NBEA: variants seen among roughly 807,000 people sequenced by gnomAD.
NBEA encodes lysosomal-trafficking regulator 2.
Under a neutral mutation model 343.4 loss-of-function variants are expected in NBEA, and 44 were observed. That is an observed-to-expected ratio of 0.13 (90% CI 0.10 to 0.16). The LOEUF is 0.16. Among genes scored for constraint, NBEA ranks in the 10% least tolerant of loss-of-function variants. The probability of loss-of-function intolerance (pLI) is 1.00; values close to 1 mark genes in which losing one functional copy is unlikely to be tolerated. For synonymous variants in NBEA, 1,175 were observed against 1,238.7 expected (o/e 0.95, Z 1.08); for missense variants, 2,555 against 3,631.3 (o/e 0.70, Z 7.62).
At chr13:35,222,962 T>A (rs983762097) in intron 33 of NBEA, among the ~76,000 whole-genome samples, 16 of 152,018 alleles carry the variant, frequency 1.1e-4, no homozygotes, top group Non-Finnish European at 1.9e-4. Flanking sequence ...TGAAACCGCA[T>A]CTCTAATAAA....
intron 38 of NBEA, among the ~76,000 whole-genome samples, chr13:35,417,385 T>A (rs1036374688): frequency 6.6e-6 from 1 of 152,126 alleles, no homozygotes; most frequent in African/African-American, 2.4e-5. Context: ...TGCTATAAAT[T>A]TCCCTCTACA....
chr13:35,196,216 T>G lies in NBEA; in HGVS notation c.5280T>G (p.Cys1760Trp), dbSNP rs776881452. ...LVAAPVEIAECGPEPIPYPDP... is the reference protein window; with the variant it reads ...LVAAPVEIAEWGPEPIPYPDP... Reference sequence around the variant, plus strand: ...CTGCTCCAGTTGAAATAGCAGAATGTGGCCCTGAACCTATCCCATACCCAG... The same window carrying G: ...CTGCTCCAGTTGAAATAGCAGAATGGGGCCCTGAACCTATCCCATACCCAG... Residue 1760 changes from cysteine to tryptophan, a missense_variant, in exon 31 of 59, where the codon TGT becomes TGG. Around this residue, in one of 21 missense-constraint regions of NBEA, gnomAD observed 270 missense variants for 293.3 expected, o/e 0.92. Coordinates refer to ENST00000379939, the MANE Select transcript of NBEA (RefSeq NM_001385012.1). 2.5e-6 allele frequency: 4 copies of G among 1,613,634 alleles called. No homozygotes were observed. The South Asian group carries it at 4.4e-5, about 18-fold the overall frequency.
At chr13:35,624,009 C>A (rs73503143) in intron 48 of NBEA, among the ~76,000 whole-genome samples, 4,584 of 151,438 alleles carry the variant, frequency 0.03, 254 homozygotes, top group African/African-American at 0.11. Context: ...TAAATGAATT[C>A]TTATCAATGT....
Position 35,428,155 on chromosome 13 carries a change from T to C in NBEA, c.6180-4114T>C, listed in dbSNP as rs529389571. Among the ~76,000 whole-genome samples, 156 of 152,314 alleles carry C rather than the reference T, an allele frequency of 1.0e-3. 1 individual carries two copies. Among genetic ancestry groups the C allele is most frequent in the African/African-American group, 3.7e-3 (155 of 41,582 alleles). On this transcript the variant is annotated intron_variant, in intron 38 of 58. Coordinates refer to ENST00000379939, the MANE Select transcript of NBEA (RefSeq NM_001385012.1). ...CACCCACTGTCCTGCACCCACTGTC[T>C]GGCACACCCCAGTGAGATGAAGCCG... is the stretch of plus-strand genomic sequence containing the variant.
chr13:35,342,594 T>C (rs1594284882), intron 36 of NBEA, among the ~76,000 whole-genome samples: 1 of 152,128 alleles, frequency 6.6e-6, no homozygotes, highest in Admixed American at 6.6e-5. Context: ...AAAGGGCTAA[T>C]GATATGTAAT....
At chr13:34,999,435 G>A (rs1359530626) in intron 1 of NBEA, among the ~76,000 whole-genome samples, 2 of 151,958 alleles carry the variant, frequency 1.3e-5, no homozygotes, top group East Asian at 3.9e-4. Flanking sequence ...GTTCTCACAA[G>A]TCCTCTGTAC....
chr13:35,123,147 G>T (rs1466658636), intron 16 of NBEA, among the ~76,000 whole-genome samples: 2 of 151,998 alleles, frequency 1.3e-5, no homozygotes, highest in Admixed American at 1.3e-4. Flanking sequence ...TAAGAAAAAA[G>T]ATTTTAAAAA....
chr13:35,123,666 T>C (rs1347186091), intron 17 of NBEA, 92 bp downstream of exon 17: 3 of 697,414 alleles, frequency 4.3e-6, no homozygotes, highest in African/African-American at 3.7e-5. Flanking sequence ...GAAATTTGAC[T>C]TGAAAAATCT....
intron 33 of NBEA, among the ~76,000 whole-genome samples, chr13:35,224,713 T>G (rs2152764169): frequency 6.6e-6 from 1 of 152,296 alleles, no homozygotes; most frequent in South Asian, 2.1e-4. Flanking sequence ...TTTAAATTAT[T>G]TTATAGTTCC....
At chr13:35,247,289 A>G (rs907083248) in intron 34 of NBEA, among the ~76,000 whole-genome samples, 4 of 152,114 alleles carry the variant, frequency 2.6e-5, no homozygotes, top group Admixed American at 6.5e-5. Flanking sequence ...CCTTCCCCCA[A>G]GTTCTGCCAG....
intron 41 of NBEA, among the ~76,000 whole-genome samples, chr13:35,481,566 A>G (rs1387267022): frequency 6.6e-6 from 1 of 151,906 alleles, no homozygotes; most frequent in Non-Finnish European, 1.5e-5. Context: ...GAAGTTAGTC[A>G]TTCATTTATT....
chr13:35,421,197 G>A (rs1190462171), intron 38 of NBEA, among the ~76,000 whole-genome samples: 1 of 151,850 alleles, frequency 6.6e-6, no homozygotes, highest in East Asian at 1.9e-4. Context: ...TTTTCATTCA[G>A]TTCTGTATTC....
At chr13:35,525,963 A>C (rs1037142453) in intron 41 of NBEA, among the ~76,000 whole-genome samples, 1 of 152,170 alleles carries the variant, frequency 6.6e-6, no homozygotes, top group African/African-American at 2.4e-5. Context: ...TTCAGAGGGA[A>C]GGGAGAGACA....
intron 48 of NBEA, among the ~76,000 whole-genome samples, chr13:35,625,057 CAT>C (rs1213894460): frequency 6.6e-6 from 1 of 151,980 alleles, no homozygotes; most frequent in Non-Finnish European, 1.5e-5. Context: ...TATCTAATAT[CAT>C]ATATGAATGA....
At chr13:35,324,271 G>A (rs931411781) in intron 36 of NBEA, among the ~76,000 whole-genome samples, 7 of 152,218 alleles carry the variant, frequency 4.6e-5, no homozygotes, top group African/African-American at 1.7e-4. Context: ...TTTAGCCTAT[G>A]CAAGAGTCCC....
intron 39 of NBEA, among the ~76,000 whole-genome samples, chr13:35,450,300 C>T (rs1462696832): frequency 6.6e-6 from 1 of 151,164 alleles, no homozygotes; most frequent in African/African-American, 2.4e-5. Flanking sequence ...ATAGTAAGAG[C>T]CCATCCCTAC....
At chr13:34,959,356 C>T (rs575577574) in intron 1 of NBEA, among the ~76,000 whole-genome samples, 1 of 152,096 alleles carries the variant, frequency 6.6e-6, no homozygotes, top group African/African-American at 2.4e-5. Context: ...AGACAGGAAG[C>T]TCTGCTTGGG....
In NBEA at chr13:35,593,810, G is replaced by A. The variant is rs13378196; in HGVS notation, c.7296+363G>A. On this transcript the variant is annotated intron_variant, in intron 47 of 58. Coordinates refer to ENST00000379939, the MANE Select transcript of NBEA (RefSeq NM_001385012.1). ...GACCTTAATGTGTCATATTGTTATAGCTTGCCTGGCTTGGGGTTTGCGTAG... is the reference window on the plus strand; with the variant it reads ...GACCTTAATGTGTCATATTGTTATAACTTGCCTGGCTTGGGGTTTGCGTAG... Among the ~76,000 whole-genome samples the A allele has an allele frequency of 1.9e-3, 292 of 152,170 alleles. 1 individual carries two copies. The highest frequency in any genetic ancestry group is 6.9e-3 in the African/African-American group (287 of 41,550).
chr13:35,583,816 G>A, intron 45 of NBEA, 82 bp from the exon 46 acceptor site: 1 of 1,015,560 alleles, frequency 9.8e-7, no homozygotes, highest in East Asian at 2.6e-5. Flanking sequence ...AATTAACAGT[G>A]AAATACTGAA....
Sources: gnomAD v4.1 joint callset for allele counts (sites outside exome capture counted in the v4.1 genomes callset) on GRCh38, gnomAD v4.1.1 for gene constraint, gnomAD v4.1.1 regional missense constraint, MANE v1.5 for transcripts, NCBI Gene and HGNC (gene_info 2026-07-23, HGNC 2026-07-21) for gene names.